The following CHODL variants were observed in gnomAD, a reference collection of about 807,000 sequenced individuals.
CHODL encodes the protein chondrolectin.
In CHODL, 29 loss-of-function variants were observed where a neutral mutation model predicts 34.5. The ratio of observed to expected loss-of-function variants is 0.84; its 90% confidence interval spans 0.63 to 1.15. The LOEUF (loss-of-function observed/expected upper bound fraction) is 1.15. Ranked by LOEUF, CHODL falls within the 50% of genes most tolerant of loss-of-function variation. The pLI, the probability that CHODL is intolerant of heterozygous loss-of-function variation, is 0.00. For synonymous variants in CHODL, 125 were observed against 116.1 expected (o/e 1.08, Z -0.49); for missense variants, 332 against 332.5 (o/e 1.00, Z 0.01).
chr21:18,227,638 G>A (rs574716956), intron 2 of CHODL, among the ~76,000 whole-genome samples: 2 of 152,222 alleles, frequency 1.3e-5, no homozygotes, highest in Admixed American at 1.3e-4. Context: ...TGACATGGGA[G>A]GACAGGGAAA....
chr21:18,052,564 T>G (rs1451663633), intron 2 of CHODL, among the ~76,000 whole-genome samples: 1 of 151,778 alleles, frequency 6.6e-6, no homozygotes, highest in Admixed American at 6.6e-5. Context: ...ATCAGTTACT[T>G]TTTGTTGGGT....
chr21:18,241,249 T>TAAAA (rs34330433), upstream of CHODL, among the ~76,000 whole-genome samples: 62 of 145,180 alleles, frequency 4.3e-4, no homozygotes, highest in African/African-American at 5.7e-4. Flanking sequence ...ATTACTCAGA[T>TAAAA]AAAAAAAAAA....
chr21:18,003,358 A>C (rs2063929053), intron 1 of CHODL, among the ~76,000 whole-genome samples: 1 of 148,660 alleles, frequency 6.7e-6, no homozygotes, highest in Non-Finnish European at 1.5e-5. Flanking sequence ...GCAGATTATA[A>C]GACTTCAGAA....
chr21:18,228,042 A>G (rs1250990325), intron 2 of CHODL, among the ~76,000 whole-genome samples: 1 of 152,190 alleles, frequency 6.6e-6, no homozygotes, highest in African/African-American at 2.4e-5. Context: ...ATGGGAACCA[A>G]CCTAGCCATT....
At chr21:18,056,476 CTTTT>C (rs34378503) in intron 2 of CHODL, among the ~76,000 whole-genome samples, 1 of 142,000 alleles carries the variant, frequency 7.0e-6, no homozygotes, top group South Asian at 2.2e-4. Context: ...TATTTTCCTT[CTTTT>C]TTTTTTTTTG....
intron 2 of CHODL, among the ~76,000 whole-genome samples, chr21:18,080,601 C>A (rs1226941897): frequency 6.6e-6 from 1 of 152,022 alleles, no homozygotes; most frequent in Non-Finnish European, 1.5e-5. Context: ...CTTTCCTGAG[C>A]ATATATTTTT....
chr21:18,045,781 G>T (rs1232647891), intron 2 of CHODL, among the ~76,000 whole-genome samples: 1 of 151,848 alleles, frequency 6.6e-6, no homozygotes, highest in Non-Finnish European at 1.5e-5. Context: ...CAATTGACTA[G>T]AAGGAACTAG....
At chr21:18,084,243 C>T (rs538928016) in intron 2 of CHODL, among the ~76,000 whole-genome samples, 4 of 152,276 alleles carry the variant, frequency 2.6e-5, no homozygotes, top group Admixed American at 2.6e-4. Flanking sequence ...TTGTAAGTTA[C>T]CTGAGGCTTC....
Position 18,146,563 on chromosome 21 carries a change from C to T in CHODL, c.-44-109946C>T, listed in dbSNP as rs114872414. 4.7e-3 allele frequency among the ~76,000 whole-genome samples: 720 copies of T among 152,106 alleles called. 2 individuals carry two copies. Among genetic ancestry groups the T allele is most frequent in the African/African-American group, 0.017 (691 of 41,504 alleles). On this transcript the variant is annotated intron_variant, in intron 2 of 6. Transcript: ENST00000400127. ...GCCTTGTGAAGAGGGACGTTGTTTG[C>T]TTCCCCTTCCATCATAATTGTAAGT... is the stretch of plus-strand genomic sequence containing the variant.
intron 1 of CHODL, among the ~76,000 whole-genome samples, chr21:17,993,320 A>C (rs749739599): frequency 6.6e-6 from 1 of 152,162 alleles, no homozygotes; most frequent in Non-Finnish European, 1.5e-5. Flanking sequence ...TCACCCAGGC[A>C]TTAAGCCTAG....
intron 1 of CHODL, among the ~76,000 whole-genome samples, chr21:17,996,605 T>G (rs1007413471): frequency 1.3e-5 from 2 of 152,206 alleles, no homozygotes; most frequent in Middle Eastern, 3.2e-3. Flanking sequence ...GAAAATCATC[T>G]CAGAGGGATT....
intron 2 of CHODL, among the ~76,000 whole-genome samples, chr21:18,227,007 G>A (rs1298624906): frequency 6.6e-6 from 1 of 152,076 alleles, no homozygotes; most frequent in African/African-American, 2.4e-5. Flanking sequence ...TCACAGTTTT[G>A]GAGGCTAGAA....
intron 2 of CHODL, among the ~76,000 whole-genome samples, chr21:18,234,145 C>T (rs1041789049): frequency 1.1e-4 from 16 of 152,086 alleles, no homozygotes; most frequent in African/African-American, 3.6e-4. Flanking sequence ...TACTACTTGG[C>T]GTGAAAACAA....
chr21:18,050,817 T>C, intron 2 of CHODL, among the ~76,000 whole-genome samples: 1 of 151,858 alleles, frequency 6.6e-6, no homozygotes, highest in Non-Finnish European at 1.5e-5. Flanking sequence ...TAGGAACATG[T>C]TATGAAGGTT....
chr21:18,098,394 CAA>C (rs1295230628), intron 2 of CHODL, among the ~76,000 whole-genome samples: 2 of 151,520 alleles, frequency 1.3e-5, no homozygotes, highest in African/African-American at 2.4e-5. Context: ...TAAAAATGGG[CAA>C]AAGAGTTAAA....
chr21:18,180,805 A>C (rs1568925799), intron 2 of CHODL, among the ~76,000 whole-genome samples: 1 of 152,206 alleles, frequency 6.6e-6, no homozygotes, highest in Non-Finnish European at 1.5e-5. Context: ...AATCAGCTAG[A>C]ATTACCTTCA....
chr21:18,061,178 T>C (rs933386999), intron 2 of CHODL, among the ~76,000 whole-genome samples: 5 of 152,174 alleles, frequency 3.3e-5, no homozygotes, highest in African/African-American at 1.2e-4. Context: ...ACTAACACTA[T>C]GCCAGAAAGC....
intron 1 of CHODL, among the ~76,000 whole-genome samples, chr21:18,003,784 C>T (rs919588342): frequency 6.6e-6 from 1 of 152,184 alleles, no homozygotes; most frequent in Non-Finnish European, 1.5e-5. Flanking sequence ...TCTGTCAGAT[C>T]GTTCCAGCAC....
At chr21:18,082,399 A>C (rs1434895936) in intron 2 of CHODL, among the ~76,000 whole-genome samples, 1 of 151,324 alleles carries the variant, frequency 6.6e-6, no homozygotes, top group Non-Finnish European at 1.5e-5. Flanking sequence ...ATTGACTAAT[A>C]CAGAAAATTG....
Sources: gnomAD v4.1 joint callset for allele counts (sites outside exome capture counted in the v4.1 genomes callset) on GRCh38, gnomAD v4.1.1 for gene constraint, MANE v1.5 for transcripts, NCBI Gene and HGNC (gene_info 2026-07-23, HGNC 2026-07-21) for gene names.